RAMP1: variants seen among roughly 807,000 people sequenced by gnomAD.
The protein encoded by RAMP1 is receptor activity modifying protein 1.
RAMP1 carries 7 observed loss-of-function variants against 8.2 expected under a neutral mutation model. The ratio of observed to expected loss-of-function variants is 0.85; its 90% CI spans 0.49 to 1.60. The LOEUF (loss-of-function observed/expected upper bound fraction) is 1.60. Among genes scored for constraint, RAMP1 ranks in the 40% most tolerant of loss-of-function variants. The pLI is 0.00. For missense variants in RAMP1, 192 were observed against 202.4 expected (o/e 0.95, Z 0.31); for synonymous variants, 92 against 84.7 (o/e 1.09, Z -0.47).
chr2:237,868,902 G>A (rs911628516), intron 1 of RAMP1, among the ~76,000 whole-genome samples: 15 of 152,124 alleles, frequency 9.9e-5, no homozygotes, highest in African/African-American at 1.9e-4. Flanking sequence ...CACTGTGGTC[G>A]GGGGCAGAGC....
At chr2:237,911,431 G>T in intron 2 of RAMP1, 97 bp from the exon 3 acceptor site, 1 of 1,504,176 alleles carries the variant, frequency 6.6e-7, no homozygotes, top group East Asian at 2.3e-5. Flanking sequence ...CAAGCTTCAG[G>T]GCTGCATGAG....
intron 2 of RAMP1, among the ~76,000 whole-genome samples, chr2:237,886,660 G>A (rs2062436228): frequency 6.6e-6 from 1 of 152,190 alleles, no homozygotes; most frequent in Non-Finnish European, 1.5e-5. Flanking sequence ...GGCCCTGGGG[G>A]AAGGCACAGA....
rs1379477570 is a variant in RAMP1, at chr2:237,877,111, G to T, written c.53-113G>T. The T allele has an allele frequency of 2.2e-5, 30 of 1,375,636 alleles. No homozygotes were observed. The highest frequency in any genetic ancestry group is 2.8e-5 in the Non-Finnish European group (28 of 983,744). The allele number at this position is 1,375,636 out of a possible 1,614,324, so 85.2% of individuals were successfully genotyped here. Reference sequence around the variant, plus strand: ...GCCACAGTCGCCCTCTCCAGGGGTTGCTTAGAGGCCCCGTTCTCGTGGAGT... The same window carrying T: ...GCCACAGTCGCCCTCTCCAGGGGTTTCTTAGAGGCCCCGTTCTCGTGGAGT... On this transcript the variant is annotated intron_variant, in intron 1 of 2. Coordinates refer to ENST00000254661, the MANE Select transcript of RAMP1 (RefSeq NM_005855.4). This position sits in a 1 kb window ranked among gnomAD's most constrained non-coding sequence, Gnocchi z 4.4.
chr2:237,901,748 G>A (rs747670988), intron 2 of RAMP1, among the ~76,000 whole-genome samples: 17 of 152,202 alleles, frequency 1.1e-4, no homozygotes, highest in East Asian at 1.9e-4. Flanking sequence ...TGGAGAGCCC[G>A]TGGTAGCTAA....
rs775750731 is a variant in RAMP1, at chr2:237,911,800, C to T, written c.*17C>T. On this transcript the variant is annotated 3_prime_UTR_variant, in exon 3 of 3. Coordinates refer to ENST00000254661, the MANE Select transcript of RAMP1 (RefSeq NM_005855.4). ...ATTGTGTAGGCGGGGCCCAGGCTGCCCGCGGGTGCACCCAGGCTGCAGGGT... is the reference window on the plus strand; with the variant it reads ...ATTGTGTAGGCGGGGCCCAGGCTGCTCGCGGGTGCACCCAGGCTGCAGGGT... 1 of 1,579,282 alleles carries T rather than the reference C, an allele frequency of 6.3e-7. No individual in the cohort carries two copies. Among genetic ancestry groups the T allele is most frequent in the Admixed American group, 1.8e-5 (1 of 55,290 alleles).
intron 2 of RAMP1, among the ~76,000 whole-genome samples, chr2:237,889,995 C>T (rs1317873230): frequency 6.6e-6 from 1 of 152,204 alleles, no homozygotes; most frequent in African/African-American, 2.4e-5. Context: ...CCAAGTGGGG[C>T]CCGCCTGCAG....
In RAMP1 at chr2:237,865,273, G is replaced by GAGGGGAGGGGAGAGC. The variant is rs1253122270; in HGVS notation, c.52+5554_52+5568dup. On this transcript the variant is annotated intron_variant, in intron 1 of 2. Transcript: ENST00000254661. This position sits in a 1 kb window ranked among gnomAD's most constrained non-coding sequence, Gnocchi z 4.2. ...CAGGGCAGGGGAGAAGAGAGGAGAG[G>GAGGGGAGGGGAGAGC]AGGGGAGGGGAGAGCAGGGGAGAGG... is the stretch of plus-strand genomic sequence containing the variant. Among the ~76,000 whole-genome samples the GAGGGGAGGGGAGAGC allele has an allele frequency of 7.0e-6, 1 of 142,060 alleles. No homozygotes were observed. The highest frequency in any genetic ancestry group is 7.0e-5 in the Admixed American group (1 of 14,286). The allele number at this position is 142,060 out of a possible 152,430, so 93.2% of individuals were successfully genotyped here.
chr2:237,889,157 C>T (rs997471831), intron 2 of RAMP1, among the ~76,000 whole-genome samples: 8 of 152,202 alleles, frequency 5.3e-5, no homozygotes, highest in African/African-American at 1.4e-4. Flanking sequence ...GTTCATTTTC[C>T]ACACTGTCGT....
intron 2 of RAMP1, among the ~76,000 whole-genome samples, chr2:237,889,114 A>G (rs1454129360): frequency 6.6e-6 from 1 of 152,206 alleles, no homozygotes; most frequent in Non-Finnish European, 1.5e-5. Context: ...TGTGCTCTAA[A>G]TATTTTCTTG....
At chr2:237,883,912 CTTTTTT>C (rs34291315) in intron 2 of RAMP1, among the ~76,000 whole-genome samples, 1 of 93,008 alleles carries the variant, frequency 1.1e-5, no homozygotes, top group African/African-American at 5.3e-5. Context: ...TGTAGGTCCA[CTTTTTT>C]TTTTTTTTTT....
intron 2 of RAMP1, among the ~76,000 whole-genome samples, chr2:237,886,227 G>A (rs1396019527): frequency 1.3e-5 from 2 of 152,184 alleles, no homozygotes; most frequent in Non-Finnish European, 2.9e-5. Context: ...CGGGGGTGTC[G>A]TTCCACCTTC....
At chr2:237,885,661 G>A (rs887662319) in intron 2 of RAMP1, among the ~76,000 whole-genome samples, 2 of 152,166 alleles carry the variant, frequency 1.3e-5, no homozygotes, top group Non-Finnish European at 1.5e-5. Flanking sequence ...TGCCCAGGCC[G>A]AGGCCGCCCT....
At chr2:237,896,590 G>A (rs981175331) in intron 2 of RAMP1, among the ~76,000 whole-genome samples, 1 of 152,192 alleles carries the variant, frequency 6.6e-6, no homozygotes, top group Non-Finnish European at 1.5e-5. Context: ...ACCTGCCCTC[G>A]GGTGATGTGA....
intron 2 of RAMP1, among the ~76,000 whole-genome samples, chr2:237,886,051 G>A (rs747781101): frequency 2.0e-5 from 3 of 152,184 alleles, no homozygotes; most frequent in Non-Finnish European, 2.9e-5. Context: ...TGCAGCTCGC[G>A]CAGTGACACC....
intron 2 of RAMP1, among the ~76,000 whole-genome samples, chr2:237,894,845 G>A (rs566048007): frequency 4.6e-5 from 7 of 152,284 alleles, no homozygotes; most frequent in African/African-American, 1.2e-4. Flanking sequence ...AAAGGGACAC[G>A]TGTTCATAGG....
intron 2 of RAMP1, among the ~76,000 whole-genome samples, chr2:237,884,383 C>T (rs60523336): frequency 0.018 from 2,731 of 152,204 alleles, 88 homozygotes; most frequent in African/African-American, 0.063. Context: ...AATGTGTCAT[C>T]GGGAACTCTC....
intron 1 of RAMP1, among the ~76,000 whole-genome samples, chr2:237,863,838 G>C (rs778893909): frequency 1.3e-5 from 2 of 151,972 alleles, no homozygotes; most frequent in Non-Finnish European, 1.5e-5. Flanking sequence ...TCACATGGTG[G>C]ATTCTCTGGG....
chr2:237,861,562 A>T (rs1264202598), intron 1 of RAMP1, among the ~76,000 whole-genome samples: 1 of 152,158 alleles, frequency 6.6e-6, no homozygotes, highest in Non-Finnish European at 1.5e-5. Context: ...GAATCTCATA[A>T]TCCGGCCAGG....
At chr2:237,879,888 G>A (rs888317178) in intron 2 of RAMP1, among the ~76,000 whole-genome samples, 5 of 150,268 alleles carry the variant, frequency 3.3e-5, no homozygotes, top group African/African-American at 7.4e-5. Flanking sequence ...TACTCGGGAG[G>A]CTGAGGCAGG....
Sources: gnomAD v4.1 joint callset for allele counts (sites outside exome capture counted in the v4.1 genomes callset) on GRCh38, gnomAD v4.1.1 for gene constraint, Gnocchi (gnomAD v3.1) non-coding constraint, MANE v1.5 for transcripts, NCBI Gene and HGNC (gene_info 2026-07-23, HGNC 2026-07-21) for gene names.